Variants in TIMELESS observed in about 807,000 individuals in gnomAD.
The protein encoded by TIMELESS is timeless circadian regulator.
In TIMELESS, 124 loss-of-function variants were observed where a neutral mutation model predicts 164.3. The ratio of observed to expected loss-of-function variants is 0.75; its 90% CI spans 0.65 to 0.88. The LOEUF (loss-of-function observed/expected upper bound fraction) is 0.88. Ranked by LOEUF, TIMELESS falls within the 40% of genes least tolerant of loss-of-function variation. The pLI, the probability that TIMELESS is intolerant of heterozygous loss-of-function variation, is 0.00. For synonymous variants in TIMELESS, 564 were observed against 563.4 expected (o/e 1.00, Z -0.02); for missense variants, 1,422 against 1,491.4 (o/e 0.95, Z 0.77).
chr12:56,417,709 T>A lies in TIMELESS; in HGVS notation c.*7A>T. On this transcript the variant is annotated 3_prime_UTR_variant, in exon 29 of 29. Coordinates refer to ENST00000553532, the MANE Select transcript of TIMELESS (RefSeq NM_003920.5). ...TGTCTATCTCTACCCCTAGGCTTCTTAGCTCTTCAGTCATCCTCATCATCC... is the reference window on the plus strand; with the variant it reads ...TGTCTATCTCTACCCCTAGGCTTCTAAGCTCTTCAGTCATCCTCATCATCC... 1.9e-6 allele frequency: 3 copies of A among 1,614,134 alleles called. No individual in the cohort carries two copies. The highest frequency in any genetic ancestry group is 2.5e-6 in the Non-Finnish European group (3 of 1,179,980).
intron 7 of TIMELESS, 141 bp from the exon 8 acceptor site, chr12:56,431,745 G>A: frequency 9.5e-7 from 1 of 1,052,560 alleles, no homozygotes; most frequent in Non-Finnish European, 1.3e-6. Context: ...ATCTGAGGGG[G>A]AAATGTTCTA....
chr12:56,443,150 T>G (rs1337640139), intron 1 of TIMELESS, among the ~76,000 whole-genome samples: 1 of 152,104 alleles, frequency 6.6e-6, no homozygotes, highest in Non-Finnish European at 1.5e-5. Flanking sequence ...TCTGACTGCC[T>G]GGGGGGTCAG....
At chr12:56,428,691 TA>T (rs1881760563) in intron 11 of TIMELESS, 39 bp from the exon 12 acceptor site, 1 of 1,578,238 alleles carries the variant, frequency 6.3e-7, no homozygotes, top group Non-Finnish European at 8.7e-7. Flanking sequence ...GAGGACAGCT[TA>T]GGGCAATGGC....
At position 56,423,057 on chromosome 12, in the gene TIMELESS, A is replaced by G. The variant is rs113159736; in HGVS notation, c.2293-65T>C. ...AATGCAGACCCGAACCTGGCCCTCT[A>G]GGTATTTTCTCTATAGCTGTTCCCA... On this transcript the variant is annotated intron_variant, in intron 18 of 28. Transcript: ENST00000553532. 1.9e-3 allele frequency: 3,001 copies of G among 1,558,894 alleles called. 26 individuals are homozygous for G. The African/African-American group carries it at 0.029, about 15-fold the overall frequency.
chr12:56,435,841 C>A lies in TIMELESS; in HGVS notation c.-61-1610G>T, dbSNP rs144410200. The stretch of plus-strand genomic sequence containing the variant: ...AGGCGCGATGGCGGGCGCCTGTAAT[C>A]CCAGCTACTCAGGAGGCTGAGGCAG... On this transcript the variant is annotated intron_variant, in intron 1 of 28. Coordinates refer to ENST00000553532, the MANE Select transcript of TIMELESS (RefSeq NM_003920.5). 5.3e-3 allele frequency among the ~76,000 whole-genome samples: 800 copies of A among 152,088 alleles called. 31 individuals are homozygous for A. In the East Asian group the frequency reaches 0.098, roughly 19 times the overall value.
intron 7 of TIMELESS, 74 bp from the exon 8 acceptor site, chr12:56,431,678 CAA>C: frequency 6.5e-7 from 1 of 1,540,716 alleles, no homozygotes; most frequent in Non-Finnish European, 8.7e-7. Flanking sequence ...ACTGGGGATG[CAA>C]AGAGTGAACA....
chr12:56,448,610 T>A (rs1327476231), intron 1 of TIMELESS, among the ~76,000 whole-genome samples: 1 of 150,148 alleles, frequency 6.7e-6, no homozygotes, highest in Non-Finnish European at 1.5e-5. Flanking sequence ...GCGCCTGTAA[T>A]CCCAGCTACT....
chr12:56,433,906 G>A lies in TIMELESS; in HGVS notation c.118C>T (p.Arg40Cys), dbSNP rs751077815. Residue 40 changes from arginine (R) to cysteine (C), a missense_variant, in exon 3 of 29, where the codon CGC (arginine) becomes TGC (cysteine). Coordinates refer to ENST00000553532, the MANE Select transcript of TIMELESS (RefSeq NM_003920.5). ...DCLESVKDLI[R>C]YLRHEDETRD... is the part of the protein sequence containing the mutation. ...GTCTCATCCTCATGCCTCAAATAGCGGATCAGATCCTTCACGCTCTCTTCA... is the reference window on the plus strand; with the variant it reads ...GTCTCATCCTCATGCCTCAAATAGCAGATCAGATCCTTCACGCTCTCTTCA... 24 of 1,613,910 alleles carry A rather than the reference G, an allele frequency of 1.5e-5. No homozygotes were observed. Among genetic ancestry groups the A allele is most frequent in the Middle Eastern group, 3.3e-4 (2 of 6,084 alleles).
rs202011223 is a variant in TIMELESS, at chr12:56,448,430, C to CA, written c.-62+879dup. Among the ~76,000 whole-genome samples, 361 of 134,328 alleles carry CA rather than the reference C, an allele frequency of 2.7e-3. 2 individuals are homozygous for CA. Among genetic ancestry groups the CA allele is most frequent in the East Asian group, 0.022 (92 of 4,266 alleles). 88.1% of individuals were successfully genotyped at this position (134,328 alleles called of 152,430 possible). A position where few individuals can be genotyped will look rare whatever the true frequency, so the allele number is the denominator to read the frequency against. Reference sequence around the variant, plus strand: ...CAAAAACAAAACAAAACAAAACAACCAAAAAAAACAAACAGGCCAGGCGCG... The same window carrying CA: ...CAAAAACAAAACAAAACAAAACAACCAAAAAAAAACAAACAGGCCAGGCGCG... On this transcript the variant is annotated intron_variant, in intron 1 of 28. Coordinates refer to ENST00000553532, the MANE Select transcript of TIMELESS (RefSeq NM_003920.5).
intron 1 of TIMELESS, among the ~76,000 whole-genome samples, chr12:56,435,449 C>T (rs979726932): frequency 1.4e-4 from 22 of 152,236 alleles, no homozygotes; most frequent in Non-Finnish European, 1.2e-4. Context: ...ACCTCAAATT[C>T]CTGGGCTCAA....
chr12:56,420,506 G>A (rs1881430932), intron 26 of TIMELESS, 63 bp downstream of exon 26: 1 of 1,311,892 alleles, frequency 7.6e-7, no homozygotes, highest in Non-Finnish European at 1.1e-6. Flanking sequence ...TGAGGAGGAG[G>A]AGGAGATGTA....
chr12:56,434,959 T>C (rs1464651443), intron 1 of TIMELESS, among the ~76,000 whole-genome samples: 1 of 152,162 alleles, frequency 6.6e-6, no homozygotes, highest in East Asian at 1.9e-4. Flanking sequence ...AGAGGACTAC[T>C]TGCGCCTAGG....
intron 1 of TIMELESS, among the ~76,000 whole-genome samples, chr12:56,445,267 A>G (rs1195424704): frequency 2.0e-5 from 3 of 150,190 alleles, no homozygotes; most frequent in Non-Finnish European, 4.4e-5. Context: ...CTCTACTAAA[A>G]ATACAAAATT....
chr12:56,433,178 A>G (rs761127770), intron 5 of TIMELESS, 51 bp from the exon 6 acceptor site: 17 of 1,566,848 alleles, frequency 1.1e-5, no homozygotes, highest in Non-Finnish European at 1.5e-5. Flanking sequence ...GGCAGGCAGT[A>G]TGTACTCTGG....
rs903281524 is a variant in TIMELESS at position 56,421,457 on chromosome 12, T to C, written c.2762A>G (p.Lys921Arg). 20 of 1,613,902 alleles carry C rather than the reference T, an allele frequency of 1.2e-5. No homozygotes were observed. The highest frequency in any genetic ancestry group is 1.6e-5 in the Non-Finnish European group (19 of 1,179,978). ...ATCCACTATTCGGGCCCGTGAGCGT[T>C]TGGCTGTGATATTCTTCATGATATG... is the stretch of plus-strand genomic sequence containing the variant. ...LGHIMKNITA[K>R]RSRARIVDKL... The change falls in exon 23 of 29, where the codon AAA becomes AGA. Residue 921 changes from lysine (K) to arginine (R), a missense_variant. Coordinates refer to ENST00000553532, the MANE Select transcript of TIMELESS (RefSeq NM_003920.5).
At chr12:56,446,163 C>G (rs1868347501) in intron 1 of TIMELESS, among the ~76,000 whole-genome samples, 1 of 152,186 alleles carries the variant, frequency 6.6e-6, no homozygotes, top group African/African-American at 2.4e-5. Context: ...CCTGGGCTCC[C>G]AAAGTGCTGG....
chr12:56,428,373 G>T lies in TIMELESS; in HGVS notation c.1441C>A (p.Leu481Ile). The change falls in exon 13 of 29, where the codon CTA becomes ATA. Residue 481 changes from leucine (L) to isoleucine (I), a missense_variant. Leu to Ile is a conservative substitution (Grantham distance 5). Coordinates refer to ENST00000553532, the MANE Select transcript of TIMELESS (RefSeq NM_003920.5). ...AACTTTCGAAAAAGTGCCAGGAATAGTTCTCGGTACTCCATCACATAGAAA... is the reference window on the plus strand; with the variant it reads ...AACTTTCGAAAAAGTGCCAGGAATATTTCTCGGTACTCCATCACATAGAAA... The part of the protein sequence containing the change: ...NIFYVMEYRE[L>I]FLALFRKFDE... The T allele has an allele frequency of 6.2e-7, 1 of 1,612,698 alleles. No homozygotes were observed. The highest frequency in any genetic ancestry group is 1.1e-5 in the South Asian group (1 of 91,010).
intron 1 of TIMELESS, among the ~76,000 whole-genome samples, chr12:56,434,737 A>AAAATAAAT (rs143854969): frequency 6.6e-6 from 1 of 151,904 alleles, no homozygotes; most frequent in Non-Finnish European, 1.5e-5. Context: ...ACTCTGTCTC[A>AAAATAAAT]AAATAAATAA....
At chr12:56,436,200 T>C (rs1001301098) in intron 1 of TIMELESS, among the ~76,000 whole-genome samples, 2 of 152,186 alleles carry the variant, frequency 1.3e-5, no homozygotes, top group Non-Finnish European at 2.9e-5. Context: ...ATGCCTGTTA[T>C]CTCAGCACTT....
Sources: gnomAD v4.1 joint callset for allele counts (sites outside exome capture counted in the v4.1 genomes callset) on GRCh38, gnomAD v4.1.1 for gene constraint, MANE v1.5 for transcripts, NCBI Gene and HGNC (gene_info 2026-07-23, HGNC 2026-07-21) for gene names.